UBR3: variants seen among roughly 807,000 people sequenced by gnomAD.
UBR3 encodes E3 ubiquitin-protein ligase UBR3.
Under a neutral mutation model 243.2 loss-of-function variants are expected in UBR3, and 85 were observed. The observed-to-expected ratio is 0.35, with a 90% CI of 0.29 to 0.42. The LOEUF (loss-of-function observed/expected upper bound fraction) is 0.42, where lower values mean the gene tolerates loss of function less well. Ranked by LOEUF, UBR3 falls within the 10% of genes least tolerant of loss-of-function variation. The probability of loss-of-function intolerance (pLI) is 1.00; values close to 1 mark genes in which losing one functional copy is unlikely to be tolerated. For synonymous variants in UBR3, 748 were observed against 799.8 expected (o/e 0.94, Z 1.09); for missense variants, 1,686 against 2,300.8 (o/e 0.73, Z 5.47).
chr2:169,895,184 A>T lies in UBR3; in HGVS notation c.1109A>T (p.Gln370Leu), dbSNP rs1559069164. Residue 370 changes from glutamine to leucine, a missense_variant, in exon 7 of 39, where the codon CAA becomes CTA. By Grantham distance (113) the Gln-to-Leu change is moderately radical (BLOSUM62 -2). Coordinates refer to ENST00000272793, the MANE Select transcript of UBR3 (RefSeq NM_172070.4). Reference protein sequence around the residue: ...RVKLSSGTKDQSIMDVLKHKS... With the variant: ...RVKLSSGTKDLSIMDVLKHKS... ...AAATTTCATTTTTCATGTGCAGATC[A>T]ATCCATAATGGATGTTTTGAAGCAT... 6.6e-7 allele frequency: 1 copy of T among 1,514,420 alleles called. No individual in the cohort carries two copies. Among genetic ancestry groups the T allele is most frequent in the Non-Finnish European group, 8.8e-7 (1 of 1,136,978 alleles). 93.8% of individuals were successfully genotyped at this position (1,514,420 alleles called of 1,614,324 possible).
intron 25 of UBR3, among the ~76,000 whole-genome samples, chr2:169,991,009 G>A (rs972782041): frequency 5.9e-5 from 9 of 152,112 alleles, no homozygotes; most frequent in African/African-American, 2.2e-4. Flanking sequence ...AGTTGAAAGT[G>A]AAAGGATGGG....
Position 170,001,350 on chromosome 2 carries a change from A to G in UBR3, c.3965A>G (p.Tyr1322Cys). 6.2e-7 allele frequency: 1 copy of G among 1,613,888 alleles called. No individual in the cohort carries two copies. Among genetic ancestry groups the G allele is most frequent in the Non-Finnish European group, 8.5e-7 (1 of 1,179,870 alleles). The change falls in exon 27 of 39, where the codon TAT becomes TGT. Residue 1322 changes from tyrosine to cysteine, a missense_variant. By Grantham distance (194) the Tyr-to-Cys change is radical. Transcript: ENST00000272793. ...AVSIGWEGGV[Y>C]VQTCGHTLHI... Reference sequence around the variant, plus strand: ...TCAATTGGCTGGGAAGGAGGTGTTTATGTACAAACCTGTGGTCACACATTA... The same window carrying G: ...TCAATTGGCTGGGAAGGAGGTGTTTGTGTACAAACCTGTGGTCACACATTA...
In UBR3 at chr2:170,008,893, C is replaced by G. The variant is rs149011538; in HGVS notation, c.4320C>G (p.Thr1440=). The part of the protein sequence containing the change: ...TQKKYRDYSK[T]PGSPDNDFLF... ...AGAAATATAGAGACTATAGCAAGACCCCGGGCTCACCAGACAATGATTTTC... is the reference window on the plus strand; with the variant it reads ...AGAAATATAGAGACTATAGCAAGACGCCGGGCTCACCAGACAATGATTTTC... Residue 1440 remains threonine, a synonymous_variant, in exon 29 of 39, where the codon ACC becomes ACG. Transcript: ENST00000272793. The G allele has an allele frequency of 3.4e-4, 542 of 1,598,822 alleles. 2 individuals carry two copies. The South Asian group carries it at 5.9e-3, about 17-fold the overall frequency.
chr2:169,879,928 G>T (rs2178594), intron 5 of UBR3, among the ~76,000 whole-genome samples: 65,189 of 152,044 alleles, frequency 0.43, 15,632 homozygotes, highest in Non-Finnish European at 0.55. Flanking sequence ...TAACTAAACT[G>T]TAATAATTCC....
intron 1 of UBR3, among the ~76,000 whole-genome samples, chr2:169,870,899 C>T (rs1298947369): frequency 1.1e-4 from 17 of 151,604 alleles, no homozygotes; most frequent in Admixed American, 7.2e-4. Context: ...GGTGATGCAC[C>T]GGCCTTGGCC....
Position 169,946,296 on chromosome 2 carries a change from G to T in UBR3, c.2814G>T (p.Met938Ile). 6.7e-7 allele frequency: 1 copy of T among 1,482,904 alleles called. No individual in the cohort carries two copies. The highest frequency in any genetic ancestry group is 1.4e-5 in the South Asian group (1 of 71,224). The allele number at this position is 1,482,904 out of a possible 1,614,324, so 91.9% of individuals were successfully genotyped here. The change falls in exon 21 of 39, where the codon ATG becomes ATT. Residue 938 changes from methionine to isoleucine, a missense_variant. Physicochemically the swap from Met to Ile is conservative, Grantham distance 10. Around this residue, in one of 8 missense-constraint regions of UBR3, gnomAD observed 300 missense variants for 314.4 expected, o/e 0.95. Coordinates refer to ENST00000272793, the MANE Select transcript of UBR3 (RefSeq NM_172070.4). ...TTCTTCCCTTTTTAAAGATTTTGAT[G>T]GATCATCAAAATCTGTCAGAACATG... ...VLFTLLYKIL[M>I]DHQNLSEHVL...
At position 169,879,508 on chromosome 2, in the gene UBR3, T is replaced by C. The variant is rs1414474521; in HGVS notation, c.1038+934T>C. Among the ~76,000 whole-genome samples, 5 of 152,298 alleles carry C rather than the reference T, an allele frequency of 3.3e-5. No homozygotes were observed. In the East Asian group the frequency reaches 9.6e-4, roughly 29 times the overall value. On this transcript the variant is annotated intron_variant, in intron 5 of 38. Transcript: ENST00000272793. ...AGATTGGAGAGGCAGTTTATTATGC[T>C]GTGTAGGAGTCTGACTCTGGAATTA...
chr2:170,026,936 G>T (rs1031670219), intron 30 of UBR3, among the ~76,000 whole-genome samples: 3 of 151,898 alleles, frequency 2.0e-5, no homozygotes, highest in African/African-American at 7.2e-5. Flanking sequence ...CAGTCTTACT[G>T]ATAAGACTAA....
At chr2:169,830,523 A>C (rs920679720) in intron 1 of UBR3, among the ~76,000 whole-genome samples, 1 of 152,208 alleles carries the variant, frequency 6.6e-6, no homozygotes, top group East Asian at 1.9e-4. Flanking sequence ...ACCTTGCTCA[A>C]GTTCACACAG....
intron 24 of UBR3, among the ~76,000 whole-genome samples, chr2:169,984,269 A>G (rs1185958686): frequency 1.3e-5 from 2 of 152,190 alleles, no homozygotes; most frequent in Non-Finnish European, 2.9e-5. Context: ...AAATATACTC[A>G]TAATGCATGT....
chr2:170,061,279 T>C (rs749949409), intron 34 of UBR3, 39 bp from the exon 35 acceptor site: 1 of 1,604,594 alleles, frequency 6.2e-7, no homozygotes, highest in Non-Finnish European at 8.5e-7. Context: ...AACTCTTTAT[T>C]GTAGACTGAC....
At chr2:170,015,475 C>A in intron 30 of UBR3, 109 bp downstream of exon 30, 1 of 729,844 alleles carries the variant, frequency 1.4e-6, no homozygotes, top group Non-Finnish European at 2.3e-6. Flanking sequence ...TATATATGAT[C>A]TATTTAGATA....
chr2:169,896,800 T>C (rs2084608886), intron 8 of UBR3, 65 bp downstream of exon 8: 2 of 1,052,844 alleles, frequency 1.9e-6, no homozygotes, highest in South Asian at 2.2e-5. Context: ...ATTATTAGTG[T>C]ACTTCATATA....
chr2:170,031,879 A>G (rs1265324334), intron 31 of UBR3, among the ~76,000 whole-genome samples: 1 of 152,148 alleles, frequency 6.6e-6, no homozygotes, highest in Non-Finnish European at 1.5e-5. Context: ...GCTGCATAGT[A>G]GTCCATGGTA....
At chr2:170,072,646 A>G (rs959698729) in intron 35 of UBR3, among the ~76,000 whole-genome samples, 6 of 152,144 alleles carry the variant, frequency 3.9e-5, no homozygotes, top group African/African-American at 1.4e-4. Context: ...TGAAGGACTA[A>G]TTATATCTGA....
chr2:169,929,476 T>G (rs769465853), intron 18 of UBR3, among the ~76,000 whole-genome samples: 15 of 152,024 alleles, frequency 9.9e-5, no homozygotes, highest in Non-Finnish European at 1.8e-4. Flanking sequence ...CTCGGGAGGC[T>G]GAGGCAGGAG....
At chr2:169,856,153 C>T (rs2082847246) in intron 1 of UBR3, among the ~76,000 whole-genome samples, 2 of 150,830 alleles carry the variant, frequency 1.3e-5, no homozygotes, top group African/African-American at 4.9e-5. Context: ...ACCTCCCAGA[C>T]GGGGTGGCGG....
rs2091310322 is a variant in UBR3, at chr2:170,055,366, A to G, written c.4661-94A>G. On this transcript the variant is annotated intron_variant, in intron 32 of 38. Transcript: ENST00000272793. The stretch of plus-strand genomic sequence containing the variant: ...TATTAAGTGTTGAAAACAAAAACCA[A>G]TTACATATGCAAGGAAAGGCATATA... 2.8e-6 allele frequency: 4 copies of G among 1,439,140 alleles called. No individual in the cohort carries two copies. In the South Asian group the frequency reaches 3.9e-5, roughly 14 times the overall value. 89.1% of individuals were successfully genotyped at this position (1,439,140 alleles called of 1,614,324 possible).
chr2:169,926,946 T>C lies in UBR3; in HGVS notation c.2313T>C (p.Ile771=). The change falls in exon 16 of 39, where the codon ATT becomes ATC. Residue 771 remains isoleucine (I), a synonymous_variant. Transcript: ENST00000272793. ...MLEGALTFLV[I]LLSLRLHLGM... ...AAGGCGCTCTTACATTTCTTGTGAT[T>C]CTTTTGAGTCTTCGTTTACATTTAG... The C allele has an allele frequency of 6.4e-7, 1 of 1,550,940 alleles. No individual in the cohort carries two copies. Among genetic ancestry groups the C allele is most frequent in the Admixed American group, 2.0e-5 (1 of 50,998 alleles).
Sources: gnomAD v4.1 joint callset for allele counts (sites outside exome capture counted in the v4.1 genomes callset) on GRCh38, gnomAD v4.1.1 for gene constraint, gnomAD v4.1.1 regional missense constraint, MANE v1.5 for transcripts, NCBI Gene and HGNC (gene_info 2026-07-23, HGNC 2026-07-21) for gene names.